Variants in SENP7 observed in about 807,000 individuals in gnomAD.
SENP7 encodes sentrin-specific protease 7.
In SENP7, 64 loss-of-function variants were observed where a neutral mutation model predicts 141.2. The observed-to-expected ratio is 0.45, with a 90% CI of 0.37 to 0.56. The LOEUF (loss-of-function observed/expected upper bound fraction) is 0.56, where lower values mean the gene tolerates loss of function less well. Among genes scored for constraint, SENP7 ranks in the 20% least tolerant of loss-of-function variants. SENP7 has a pLI of 0.00. For missense variants in SENP7, 1,025 were observed against 1,212.2 expected (o/e 0.85, Z 2.29); for synonymous variants, 382 against 426.4 (o/e 0.90, Z 1.28).
chr3:101,354,226 A>AATT (rs1420313288), intron 11 of SENP7, among the ~76,000 whole-genome samples: 1 of 152,072 alleles, frequency 6.6e-6, no homozygotes, highest in Non-Finnish European at 1.5e-5. Context: ...TTTTTAATCT[A>AATT]ATTATATGAA....
intron 4 of SENP7, among the ~76,000 whole-genome samples, chr3:101,426,265 C>G (rs1201366632): frequency 6.6e-6 from 1 of 152,050 alleles, no homozygotes; most frequent in African/African-American, 2.4e-5. Context: ...TCATCAGATT[C>G]TCCAAGGTCA....
intron 4 of SENP7, among the ~76,000 whole-genome samples, chr3:101,444,318 G>A (rs997770776): frequency 2.2e-4 from 34 of 151,588 alleles, no homozygotes; most frequent in African/African-American, 7.5e-4. Context: ...TTCAACCACT[G>A]TGGAAGTCAG....
intron 22 of SENP7, among the ~76,000 whole-genome samples, chr3:101,328,189 C>G (rs935988979): frequency 6.6e-6 from 1 of 151,972 alleles, no homozygotes; most frequent in Non-Finnish European, 1.5e-5. Flanking sequence ...TTATTTTTTT[C>G]TAAAGTGGTA....
At chr3:101,455,155 C>G (rs946831607) in intron 4 of SENP7, among the ~76,000 whole-genome samples, 8 of 152,190 alleles carry the variant, frequency 5.3e-5, no homozygotes, top group African/African-American at 1.9e-4. Flanking sequence ...TGTTTGATTT[C>G]CCTTAGCACA....
chr3:101,443,221 G>A (rs2062750193), intron 4 of SENP7, among the ~76,000 whole-genome samples: 2 of 152,154 alleles, frequency 1.3e-5, no homozygotes, highest in Non-Finnish European at 1.5e-5. Flanking sequence ...TTTCCCCATT[G>A]CTTGTTTTTG....
At chr3:101,503,880 A>G (rs1318737442) in intron 1 of SENP7, among the ~76,000 whole-genome samples, 1 of 151,964 alleles carries the variant, frequency 6.6e-6, no homozygotes, top group Non-Finnish European at 1.5e-5. Context: ...CAGGCAGTTG[A>G]GGCTGCAGTG....
chr3:101,387,662 CTG>C (rs1205713225), intron 6 of SENP7, among the ~76,000 whole-genome samples: 1 of 152,216 alleles, frequency 6.6e-6, no homozygotes, highest in Non-Finnish European at 1.5e-5. Context: ...CAGCCACTGC[CTG>C]TGCACTCCAT....
intron 6 of SENP7, among the ~76,000 whole-genome samples, chr3:101,393,591 T>C (rs1239016019): frequency 6.6e-6 from 1 of 152,074 alleles, no homozygotes; most frequent in African/African-American, 2.4e-5. Context: ...TATGAAAAAA[T>C]GCTCAACTTC....
intron 3 of SENP7, among the ~76,000 whole-genome samples, chr3:101,462,478 C>G (rs2063578940): frequency 1.3e-5 from 2 of 150,720 alleles, no homozygotes; most frequent in Non-Finnish European, 3.0e-5. Context: ...GAGGTGGAGG[C>G]TGGGGTGAGC....
intron 3 of SENP7, among the ~76,000 whole-genome samples, chr3:101,491,861 G>A (rs922704829): frequency 1.3e-5 from 2 of 152,194 alleles, no homozygotes; most frequent in Non-Finnish European, 2.9e-5. Flanking sequence ...GGAGGCCAAG[G>A]CAGGTGGATC....
chr3:101,468,800 T>C (rs1576447262), intron 3 of SENP7, among the ~76,000 whole-genome samples: 2 of 152,092 alleles, frequency 1.3e-5, no homozygotes, highest in African/African-American at 4.8e-5. Flanking sequence ...ACTGCATAAA[T>C]TAACGGGCAA....
At chr3:101,452,690 C>A (rs2063188494) in intron 4 of SENP7, among the ~76,000 whole-genome samples, 1 of 152,172 alleles carries the variant, frequency 6.6e-6, no homozygotes, top group Non-Finnish European at 1.5e-5. Context: ...GGATCCCTTC[C>A]TTACACCTTA....
intron 7 of SENP7, among the ~76,000 whole-genome samples, chr3:101,371,511 A>G (rs1357530331): frequency 6.6e-6 from 1 of 152,198 alleles, no homozygotes; most frequent in Non-Finnish European, 1.5e-5. Flanking sequence ...TCGAATCATA[A>G]ATCCTATATG....
At chr3:101,510,689 C>T (rs1183594513) in intron 1 of SENP7, among the ~76,000 whole-genome samples, 3 of 151,816 alleles carry the variant, frequency 2.0e-5, no homozygotes, top group Non-Finnish European at 4.4e-5. Flanking sequence ...CCCATCTTTA[C>T]TAAAAGTACA....
chr3:101,512,988 C>G, intron 1 of SENP7, 103 bp downstream of exon 1: 1 of 1,345,794 alleles, frequency 7.4e-7, no homozygotes, highest in Non-Finnish European at 1.1e-6. Flanking sequence ...CGCCCCCGCC[C>G]TCGCCCCCGC....
At chr3:101,417,485 T>C in intron 5 of SENP7, 108 bp downstream of exon 5, 2 of 868,796 alleles carry the variant, frequency 2.3e-6, no homozygotes, top group East Asian at 2.4e-5. Flanking sequence ...TATGCCTATA[T>C]ATGCAAATCT....
intron 3 of SENP7, among the ~76,000 whole-genome samples, chr3:101,484,732 C>T (rs2064653215): frequency 2.0e-5 from 3 of 152,094 alleles, no homozygotes; most frequent in Non-Finnish European, 4.4e-5. Flanking sequence ...CCTGGGAGCT[C>T]GCTGCGTCCC....
At chr3:101,494,486 T>C (rs528431578) in intron 2 of SENP7, among the ~76,000 whole-genome samples, 1 of 152,122 alleles carries the variant, frequency 6.6e-6, no homozygotes, top group Non-Finnish European at 1.5e-5. Flanking sequence ...TCCCACAATC[T>C]AGAATGCTCT....
chr3:101,462,864 T>A (rs2063594047), intron 3 of SENP7, among the ~76,000 whole-genome samples: 1 of 150,778 alleles, frequency 6.6e-6, no homozygotes, highest in Non-Finnish European at 1.5e-5. Context: ...CGAGACTCTG[T>A]CTAAAAAAAA....
Sources: gnomAD v4.1 joint callset for allele counts (sites outside exome capture counted in the v4.1 genomes callset) on GRCh38, gnomAD v4.1.1 for gene constraint, MANE v1.5 for transcripts, NCBI Gene and HGNC (gene_info 2026-07-23, HGNC 2026-07-21) for gene names.